The following DPP10 variants were observed in gnomAD, a reference collection of about 807,000 sequenced individuals.
The protein encoded by DPP10 is inactive dipeptidyl peptidase 10.
Under a neutral mutation model 120.9 loss-of-function variants are expected in DPP10, and 33 were observed. That is an observed-to-expected ratio of 0.27 (90% CI 0.21 to 0.37). The LOEUF (loss-of-function observed/expected upper bound fraction) is 0.37. Among genes scored for constraint, DPP10 ranks in the 10% least tolerant of loss-of-function variants. The pLI is 1.00. For synonymous variants in DPP10, 337 were observed against 326.1 expected, an observed-to-expected ratio of 1.03 and a Z score of -0.36; for missense variants, 816 against 942.8, an observed-to-expected ratio of 0.87 and a Z score of 1.76.
chr2:114,916,073 C>T (rs1369447502), intron 1 of DPP10, among the ~76,000 whole-genome samples: 5 of 151,840 alleles, frequency 3.3e-5, no homozygotes. Flanking sequence ...ATAAGAAAGA[C>T]AATTAGCTAG....
rs1335393447 is a variant in DPP10 at position 114,503,372 on chromosome 2, T to C, written c.60+60534T>C. 2.6e-5 allele frequency among the ~76,000 whole-genome samples: 4 copies of C among 152,224 alleles called. No homozygotes were observed. In the East Asian group the frequency reaches 7.7e-4, roughly 29 times the overall value. Reference sequence around the variant, plus strand: ...ATCTAATCATGAAATGGATATACTTTATAACCAGGGTATATAGTTTGGGAG... The same window carrying C: ...ATCTAATCATGAAATGGATATACTTCATAACCAGGGTATATAGTTTGGGAG... On this transcript the variant is annotated intron_variant, in intron 1 of 25. Transcript: ENST00000410059.
intron 1 of DPP10, among the ~76,000 whole-genome samples, chr2:114,589,460 G>A (rs913826414): frequency 6.6e-6 from 1 of 152,174 alleles, no homozygotes; most frequent in Non-Finnish European, 1.5e-5. Context: ...CATTGATTAT[G>A]TTTTTGTCAT....
chr2:114,884,853 G>A (rs954350658), intron 1 of DPP10, among the ~76,000 whole-genome samples: 2 of 152,072 alleles, frequency 1.3e-5, no homozygotes, highest in South Asian at 2.1e-4. Flanking sequence ...TTCAAATAAC[G>A]GTCTCCAATA....
chr2:114,500,046 T>C (rs748029094), intron 1 of DPP10, among the ~76,000 whole-genome samples: 1 of 152,204 alleles, frequency 6.6e-6, no homozygotes, highest in Non-Finnish European at 1.5e-5. Flanking sequence ...TTGAGAATAT[T>C]AGGGTTCCCT....
chr2:115,165,865 G>A (rs925124513), intron 1 of DPP10, among the ~76,000 whole-genome samples: 2 of 152,074 alleles, frequency 1.3e-5, no homozygotes, highest in African/African-American at 4.8e-5. Flanking sequence ...TGACTAAAAA[G>A]CATATTTTTA....
intron 1 of DPP10, among the ~76,000 whole-genome samples, chr2:114,602,339 G>T (rs1201780087): frequency 6.6e-6 from 1 of 151,904 alleles, no homozygotes; most frequent in Non-Finnish European, 1.5e-5. Context: ...GTGTGTGCAT[G>T]TGTGAATTTG....
chr2:115,516,003 T>C (rs910624149), intron 4 of DPP10, among the ~76,000 whole-genome samples: 1 of 152,212 alleles, frequency 6.6e-6, no homozygotes, highest in Non-Finnish European at 1.5e-5. Flanking sequence ...TTCTACACAC[T>C]TCACAAAAAA....
chr2:115,693,455 A>G (rs573543759), intron 7 of DPP10, among the ~76,000 whole-genome samples: 1 of 152,240 alleles, frequency 6.6e-6, no homozygotes, highest in East Asian at 1.9e-4. Context: ...AACCCAAGAC[A>G]ACTCCACCTT....
At chr2:114,847,153 A>G (rs944842203) in intron 1 of DPP10, among the ~76,000 whole-genome samples, 1 of 152,008 alleles carries the variant, frequency 6.6e-6, no homozygotes, top group Admixed American at 6.6e-5. Context: ...GGATTACAGG[A>G]GTGAGCCACA....
chr2:114,481,624 T>C (rs887976895), intron 1 of DPP10, among the ~76,000 whole-genome samples: 78 of 152,242 alleles, frequency 5.1e-4, no homozygotes, highest in African/African-American at 1.8e-3. Context: ...TATTCAACAA[T>C]GGAAAGAGAT....
At chr2:114,612,779 G>T (rs1263870376) in intron 1 of DPP10, among the ~76,000 whole-genome samples, 3 of 152,102 alleles carry the variant, frequency 2.0e-5, no homozygotes, top group Admixed American at 2.0e-4. Context: ...CCTCCAAGAT[G>T]TATGTTCTTT....
intron 1 of DPP10, among the ~76,000 whole-genome samples, chr2:115,102,388 A>AG (rs2048732414): frequency 6.8e-6 from 1 of 146,412 alleles, no homozygotes; most frequent in African/African-American, 2.6e-5. Context: ...AACATGGGGG[A>AG]GGGGTTTTTT....
chr2:114,536,764 A>C (rs1219531552), intron 1 of DPP10, among the ~76,000 whole-genome samples: 1 of 151,982 alleles, frequency 6.6e-6, no homozygotes, highest in Non-Finnish European at 1.5e-5. Flanking sequence ...ATGTCATTTT[A>C]ATCATTATTT....
At chr2:115,672,466 T>A (rs1046617784) in intron 5 of DPP10, among the ~76,000 whole-genome samples, 1 of 151,746 alleles carries the variant, frequency 6.6e-6, no homozygotes, top group African/African-American at 2.4e-5. Context: ...AAGAAAAAAA[T>A]GAGCTCTTTA....
intron 1 of DPP10, among the ~76,000 whole-genome samples, chr2:114,742,685 G>C (rs1212465111): frequency 6.6e-6 from 1 of 152,166 alleles, no homozygotes; most frequent in Non-Finnish European, 1.5e-5. Context: ...CTCAAATACA[G>C]ACCACACATT....
chr2:114,711,244 T>G (rs755099941), intron 1 of DPP10, among the ~76,000 whole-genome samples: 2 of 152,178 alleles, frequency 1.3e-5, no homozygotes, highest in Non-Finnish European at 2.9e-5. Context: ...CCCAGAAAAC[T>G]TTTATTCTGG....
At chr2:115,839,503 G>T (rs530343292) in intron 24 of DPP10, among the ~76,000 whole-genome samples, 1,961 of 151,758 alleles carry the variant, frequency 0.013, 45 homozygotes, top group African/African-American at 0.043. Flanking sequence ...GTGAAACCCC[G>T]TCTCTACTAG....
At chr2:115,662,997 TTA>T (rs35392739) in intron 5 of DPP10, among the ~76,000 whole-genome samples, 104,247 of 151,572 alleles carry the variant, frequency 0.69, 38,004 homozygotes, top group East Asian at 0.92. Context: ...ATTTTTTATT[TTA>T]TCTTTTTTTA....
At chr2:115,463,400 A>C (rs952311892) in intron 3 of DPP10, among the ~76,000 whole-genome samples, 2 of 152,192 alleles carry the variant, frequency 1.3e-5, no homozygotes, top group Non-Finnish European at 2.9e-5. Flanking sequence ...TATAGTTTTA[A>C]CATCAATGAA....
Sources: allele counts gnomAD v4.1 joint callset (sites outside exome capture counted in the v4.1 genomes callset), GRCh38; gene constraint gnomAD v4.1.1; transcripts MANE v1.5; gene names NCBI Gene and HGNC (gene_info 2026-07-23, HGNC 2026-07-21).